AP2A1: variants seen among roughly 807,000 people sequenced by gnomAD.
The protein encoded by AP2A1 is adaptor related protein complex 2 subunit alpha 1, also known as AP-2 complex subunit alpha-1.
In AP2A1, 21 loss-of-function variants were observed where a neutral mutation model predicts 107.3. That is an observed-to-expected ratio of 0.20 (90% CI 0.14 to 0.28). The LOEUF (loss-of-function observed/expected upper bound fraction) is 0.28, where lower values mean the gene tolerates loss of function less well. Ranked by LOEUF, AP2A1 falls within the 10% of genes least tolerant of loss-of-function variation. The pLI, the probability that AP2A1 is intolerant of heterozygous loss-of-function variation, is 1.00. For missense variants in AP2A1, 873 were observed against 1,307.7 expected (o/e 0.67, Z 5.13); for synonymous variants, 602 against 564.8 (o/e 1.07, Z -0.93).
chr19:49,805,361 A>C (rs1335446939), intron 18 of AP2A1, 92 bp from the exon 19 acceptor site: 1 of 1,384,848 alleles, frequency 7.2e-7, no homozygotes, highest in Admixed American at 2.8e-5. Flanking sequence ...AAAGACCTGC[A>C]GGCGGGAGCT....
rs2073418451 is a variant in AP2A1, at chr19:49,807,046, C to T, written c.*288C>T. ...CCCCTCCCACCCCACCCTGTTGTAG[C>T]CCCTCCTACCCCCTCCCCATCCAGG... On this transcript the variant is annotated 3_prime_UTR_variant, in exon 23 of 23. Coordinates refer to ENST00000354293, the MANE Select transcript of AP2A1 (RefSeq NM_130787.3). 7 of 629,668 alleles carry T rather than the reference C, an allele frequency of 1.1e-5. No homozygotes were observed. Among genetic ancestry groups the T allele is most frequent in the African/African-American group, 4.3e-5 (2 of 47,050 alleles). The allele number at this position is 629,668 out of a possible 1,614,324, so 39.0% of individuals were successfully genotyped here. A position where few individuals can be genotyped will look rare whatever the true frequency, so the allele number is the denominator to read the frequency against.
chr19:49,795,841 G>C (rs2073207131), intron 7 of AP2A1, 103 bp downstream of exon 7: 1 of 915,240 alleles, frequency 1.1e-6, no homozygotes, highest in African/African-American at 1.7e-5. Flanking sequence ...GTCTGGGTCA[G>C]GATTTCTCTG....
At chr19:49,795,951 G>T (rs2073208716) in intron 7 of AP2A1, among the ~76,000 whole-genome samples, 2 of 152,164 alleles carry the variant, frequency 1.3e-5, no homozygotes, top group African/African-American at 4.8e-5. Flanking sequence ...TCGTGGATCA[G>T]CCTCATAGCT....
At chr19:49,773,730 T>C (rs1273476270) in intron 1 of AP2A1, among the ~76,000 whole-genome samples, 2 of 152,118 alleles carry the variant, frequency 1.3e-5, no homozygotes, top group East Asian at 1.9e-4. Flanking sequence ...AGGATGATGC[T>C]CTTATATAGG....
intron 15 of AP2A1, chr19:49,802,716 G>A (rs2073305445): frequency 9.5e-6 from 11 of 1,162,998 alleles, no homozygotes; most frequent in South Asian, 1.6e-5. Context: ...CAGAGGCAGG[G>A]ACTTGGAGGA....
chr19:49,784,526 G>C (rs1379227174), intron 4 of AP2A1, among the ~76,000 whole-genome samples: 1 of 152,098 alleles, frequency 6.6e-6, no homozygotes, highest in Non-Finnish European at 1.5e-5. Context: ...CAATAAATAA[G>C]AGAAGCATTT....
chr19:49,795,428 G>A (rs2073199765), intron 6 of AP2A1, among the ~76,000 whole-genome samples: 1 of 152,102 alleles, frequency 6.6e-6, no homozygotes, highest in South Asian at 2.1e-4. Context: ...GGACTGAGGT[G>A]GGAGAATTGC....
chr19:49,799,710 G>A lies in AP2A1; in HGVS notation c.1216G>A (p.Val406Met), dbSNP rs764640528. 6.2e-7 allele frequency: 1 copy of A among 1,613,416 alleles called. No individual in the cohort carries two copies. Among genetic ancestry groups the A allele is most frequent in the East Asian group, 2.2e-5 (1 of 44,874 alleles). ...MCDRSNAKQI[V>M]SEMLRYLETA... ...TGACCGGAGCAATGCCAAGCAGATC[G>A]TGTCGGAGATGCTGCGGTACCTGGA... is the stretch of plus-strand genomic sequence containing the variant. The change falls in exon 10 of 23, where the codon GTG (valine) becomes ATG (methionine). Residue 406 changes from valine to methionine, a missense_variant. Val to Met is a conservative substitution (Grantham distance 21). This residue lies in a region of AP2A1 where 213 missense variants were observed against 443.5 expected (regional missense o/e 0.48). Transcript: ENST00000354293.
chr19:49,805,877 A>C lies in AP2A1; in HGVS notation c.2591A>C (p.Gln864Pro). Residue 864 changes from glutamine to proline, a missense_variant, in exon 21 of 23, where the codon CAA becomes CCA. Transcript: ENST00000354293. ...TGAACCTTCCCGGTCCCCAGCCCTC[A>C]ACAGGAGGCGCAGAAAATCTTCAAA... is the stretch of plus-strand genomic sequence containing the variant. ...FQRWKQLSLP[Q>P]QEAQKIFKAN... 1 of 1,613,786 alleles carries C rather than the reference A, an allele frequency of 6.2e-7. No individual in the cohort carries two copies. The highest frequency in any genetic ancestry group is 8.5e-7 in the Non-Finnish European group (1 of 1,179,882).
chr19:49,807,021 C>CGG lies in AP2A1; in HGVS notation c.*263_*264insGG. The CGG allele has an allele frequency of 1.0e-6, 1 of 960,862 alleles. No homozygotes were observed. Among genetic ancestry groups the CGG allele is most frequent in the Non-Finnish European group, 1.5e-6 (1 of 656,160 alleles). The allele number at this position is 960,862 out of a possible 1,614,324, so 59.5% of individuals were successfully genotyped here. A position where few individuals can be genotyped will look rare whatever the true frequency, so the allele number is the denominator to read the frequency against. On this transcript the variant is annotated 3_prime_UTR_variant, in exon 23 of 23. Coordinates refer to ENST00000354293, the MANE Select transcript of AP2A1 (RefSeq NM_130787.3). ...GGGGCCAGGGAAGTGGATGTCTCCT[C>CGG]CCCTCCCACCCCACCCTGTTGTAGC...
chr19:49,805,642 C>T lies in AP2A1; in HGVS notation c.2469-19C>T, dbSNP rs771969784. ...GGTGAGGGGCGGGGCCTAATGGAGCCTCCCTTTCACCTCATCAGGTACGGT... is the reference window on the plus strand; with the variant it reads ...GGTGAGGGGCGGGGCCTAATGGAGCTTCCCTTTCACCTCATCAGGTACGGT... On this transcript the variant is annotated intron_variant, in intron 19 of 22. Coordinates refer to ENST00000354293, the MANE Select transcript of AP2A1 (RefSeq NM_130787.3). 1 of 1,554,636 alleles carries T rather than the reference C, an allele frequency of 6.4e-7. No homozygotes were observed. Among genetic ancestry groups the T allele is most frequent in the Non-Finnish European group, 8.7e-7 (1 of 1,149,274 alleles).
chr19:49,803,605 C>A (rs1190659742), intron 18 of AP2A1: 8 of 564,738 alleles, frequency 1.4e-5, no homozygotes, highest in Non-Finnish European at 2.2e-5. Flanking sequence ...AGAACTCCAC[C>A]TGCTCCAGGC....
intron 21 of AP2A1, 57 bp downstream of exon 21, chr19:49,805,998 T>G: frequency 6.2e-7 from 1 of 1,613,020 alleles, no homozygotes; most frequent in Non-Finnish European, 8.5e-7. Context: ...TCTGAGCCTC[T>G]GTTTTCCCAT....
intron 11 of AP2A1, among the ~76,000 whole-genome samples, chr19:49,800,415 C>G (rs1437163603): frequency 6.6e-6 from 1 of 152,268 alleles, no homozygotes; most frequent in Non-Finnish European, 1.5e-5. Flanking sequence ...TAGTTTCCCT[C>G]TGCCCCAGGA....
chr19:49,770,732 G>A (rs561744731), intron 1 of AP2A1, among the ~76,000 whole-genome samples: 8 of 152,202 alleles, frequency 5.3e-5, no homozygotes, highest in Non-Finnish European at 1.2e-4. Context: ...GAGGCCACGT[G>A]TTGTATGATT....
chr19:49,782,136 G>C (rs114101688), intron 3 of AP2A1, 47 bp downstream of exon 3: 5 of 1,466,800 alleles, frequency 3.4e-6, no homozygotes, highest in Non-Finnish European at 1.8e-6. Context: ...CTGGGTCTGC[G>C]GGGGAGGGGG....
At chr19:49,802,430 C>T (rs267605592) in intron 15 of AP2A1, 4 of 1,147,634 alleles carry the variant, frequency 3.5e-6, no homozygotes, top group East Asian at 5.0e-5. Flanking sequence ...TTCCCTCTTC[C>T]GTCCCTCCCT....
rs184524185 is a variant in AP2A1 at position 49,794,736 on chromosome 19, C to T, written c.706-894C>T. Among the ~76,000 whole-genome samples the T allele has an allele frequency of 1.3e-3, 199 of 152,212 alleles. 1 individual carries two copies. The highest frequency in any genetic ancestry group is 4.7e-3 in the African/African-American group (194 of 41,530). On this transcript the variant is annotated intron_variant, in intron 6 of 22. Transcript: ENST00000354293. ...GGAGTGCAATGGCGTGATCTTGGCTCACTGCAACCTCTGCCTCCCGGGTTC... is the reference window on the plus strand; with the variant it reads ...GGAGTGCAATGGCGTGATCTTGGCTTACTGCAACCTCTGCCTCCCGGGTTC...
intron 1 of AP2A1, among the ~76,000 whole-genome samples, chr19:49,777,504 G>A (rs575481349): frequency 7.3e-4 from 111 of 151,322 alleles, no homozygotes; most frequent in Non-Finnish European, 1.0e-3. Flanking sequence ...GCATGGTGGC[G>A]GGCGCCTGTA....
Sources: allele counts gnomAD v4.1 joint callset (sites outside exome capture counted in the v4.1 genomes callset), GRCh38; gene constraint gnomAD v4.1.1; regional missense constraint gnomAD v4.1.1; transcripts MANE v1.5; gene names NCBI Gene and HGNC (gene_info 2026-07-23, HGNC 2026-07-21).